The following LEPROTL1 variants were observed in gnomAD, a reference collection of about 807,000 sequenced individuals.
The protein encoded by LEPROTL1 is leptin receptor overlapping transcript-like 1.
In LEPROTL1, 6 loss-of-function variants were observed where a neutral mutation model predicts 15.4. That is an observed-to-expected ratio of 0.39 (90% confidence interval 0.21 to 0.77). The LOEUF is 0.77. LEPROTL1 is among the 30% of genes least tolerant of loss of function. The probability of loss-of-function intolerance (pLI) is 0.41; values close to 1 mark genes in which losing one functional copy is unlikely to be tolerated. For missense variants in LEPROTL1, 128 were observed against 158.1 expected (o/e 0.81, Z 1.02); for synonymous variants, 56 against 52.6 (o/e 1.06, Z -0.28).
Position 30,107,465 on chromosome 8 carries a change from G to T in LEPROTL1, c.*1603G>T. 1 of 985,826 alleles carries T rather than the reference G, an allele frequency of 1.0e-6. No homozygotes were observed. The highest frequency in any genetic ancestry group is 1.2e-6 in the Non-Finnish European group (1 of 829,912). The allele number at this position is 985,826 out of a possible 1,614,324, so 61.1% of individuals were successfully genotyped here. On this transcript the variant is annotated 3_prime_UTR_variant, in exon 4 of 4. Transcript: ENST00000321250. ...TCATGACAGCTGTCTGTTGTTTTAT[G>T]AAGTTTATTTCTCAAGAAAATGGGA...
chr8:30,096,307 G>C (rs974004211), intron 1 of LEPROTL1: 1 of 981,722 alleles, frequency 1.0e-6, no homozygotes, highest in Non-Finnish European at 1.2e-6. Flanking sequence ...TGTTCCACCT[G>C]TTAGGTAGTT....
At chr8:30,112,274 C>T (rs372894034), downstream of LEPROTL1, among the ~76,000 whole-genome samples, 472 of 152,056 alleles carry the variant, frequency 3.1e-3, 6 homozygotes, top group African/African-American at 0.011. Flanking sequence ...CTTGCTCTGT[C>T]GCCCAGGCTG....
chr8:30,119,071 G>C (rs757909723), intron 3 of LEPROTL1, among the ~76,000 whole-genome samples: 5 of 152,216 alleles, frequency 3.3e-5, no homozygotes, highest in Non-Finnish European at 7.3e-5. Context: ...CAGCTTTCCA[G>C]GGCAGAGGTC....
In LEPROTL1 at chr8:30,097,665, C is replaced by CT. The variant is rs1468720342; in HGVS notation, c.16+2138dup. Reference sequence around the variant, plus strand: ...CCAGCCTGGGCAACAGAGTGAGACTCTGTCTCAAAAAAAAAAAAAATATAT... The same window carrying CT: ...CCAGCCTGGGCAACAGAGTGAGACTCTTGTCTCAAAAAAAAAAAAAATATAT... On this transcript the variant is annotated intron_variant, in intron 1 of 3. Transcript: ENST00000321250. Among the ~76,000 whole-genome samples the CT allele has an allele frequency of 2.6e-3, 175 of 66,454 alleles. 3 individuals are homozygous for CT. Among genetic ancestry groups the CT allele is most frequent in the Non-Finnish European group, 3.9e-3 (125 of 31,786 alleles). 43.6% of individuals were successfully genotyped at this position (66,454 alleles called of 152,430 possible). A position where few individuals can be genotyped will look rare whatever the true frequency, so the allele number is the denominator to read the frequency against.
chr8:30,133,739 T>C (rs910317769), intron 4 of LEPROTL1, among the ~76,000 whole-genome samples: 1 of 144,566 alleles, frequency 6.9e-6, no homozygotes. Flanking sequence ...CAGTGAGCTA[T>C]GATTGCACCA....
At chr8:30,124,373 CCAAT>C (rs1802878344) in intron 3 of LEPROTL1, among the ~76,000 whole-genome samples, 1 of 152,096 alleles carries the variant, frequency 6.6e-6, no homozygotes, top group African/African-American at 2.4e-5. Context: ...TATTGAACTC[CCAAT>C]CAACCAGTTT....
chr8:30,095,667 C>G, intron 1 of LEPROTL1, 139 bp downstream of exon 1: 2 of 751,826 alleles, frequency 2.7e-6, no homozygotes, highest in Admixed American at 7.7e-5. Context: ...GACCCCCGCC[C>G]CGGCCCTGCG....
At chr8:30,131,280 ATATATATATATATATATGTGTGTGTG>A (rs1484984596) in intron 3 of LEPROTL1, among the ~76,000 whole-genome samples, 5 of 30,382 alleles carry the variant, frequency 1.6e-4, no homozygotes, top group African/African-American at 3.2e-4. Flanking sequence ...ATGTGTGTGT[ATATATATATATATATATGTGTGTGTG>A]TATATATATA....
Position 30,107,197 on chromosome 8 carries a change from C to T in LEPROTL1, c.*1335C>T, listed in dbSNP as rs150102430. On this transcript the variant is annotated 3_prime_UTR_variant, in exon 4 of 4. Coordinates refer to ENST00000321250, the MANE Select transcript of LEPROTL1 (RefSeq NM_015344.3). ...AAGGCATTTGTTGTGTGAGTTAATGCAAAGTAGCCAAGTCCAGCTATATAG... is the reference window on the plus strand; with the variant it reads ...AAGGCATTTGTTGTGTGAGTTAATGTAAAGTAGCCAAGTCCAGCTATATAG... 3,276 of 985,340 alleles carry T rather than the reference C, an allele frequency of 3.3e-3. 9 individuals carry two copies. The highest frequency in any genetic ancestry group is 3.6e-3 in the Non-Finnish European group (2,964 of 829,912). 61.0% of individuals were successfully genotyped at this position (985,340 alleles called of 1,614,324 possible).
At chr8:30,096,228 C>A in intron 1 of LEPROTL1, 9 of 883,674 alleles carry the variant, frequency 1.0e-5, no homozygotes, top group South Asian at 5.2e-5. Context: ...AGATAAAATA[C>A]TGGTACAACT....
In LEPROTL1 at chr8:30,097,698, T is replaced by TACACAC. The variant is rs71204262; in HGVS notation, c.16+2194_16+2199dup. ...AAAAAAAAAAAAATATATATATATATACACACACACACACACACACACACA... is the reference window on the plus strand; with the variant it reads ...AAAAAAAAAAAAATATATATATATATACACACACACACACACACACACACACACACA... On this transcript the variant is annotated intron_variant, in intron 1 of 3. Transcript: ENST00000321250. 3.4e-3 allele frequency among the ~76,000 whole-genome samples: 367 copies of TACACAC among 108,706 alleles called. 11 individuals are homozygous for TACACAC. Among genetic ancestry groups the TACACAC allele is most frequent in the Middle Eastern group, 0.01 (2 of 198 alleles). 71.3% of individuals were successfully genotyped at this position (108,706 alleles called of 152,430 possible).
Position 30,108,233 on chromosome 8 carries a change from C to G in LEPROTL1, c.*2371C>G, listed in dbSNP as rs1014445976. ...ATGGAAACCATAGTTACAGATATTA[C>G]AATGCAGCCCTGTAATTTTGAGCTG... On this transcript the variant is annotated 3_prime_UTR_variant, in exon 4 of 4. Coordinates refer to ENST00000321250, the MANE Select transcript of LEPROTL1 (RefSeq NM_015344.3). The G allele has an allele frequency of 6.3e-6, 1 of 157,690 alleles. No individual in the cohort carries two copies. The highest frequency in any genetic ancestry group is 2.4e-5 in the African/African-American group (1 of 41,534). 9.8% of individuals were successfully genotyped at this position (157,690 alleles called of 1,614,324 possible).
intron 3 of LEPROTL1, among the ~76,000 whole-genome samples, chr8:30,122,669 C>G (rs1269619804): frequency 6.6e-6 from 1 of 152,056 alleles, no homozygotes; most frequent in Non-Finnish European, 1.5e-5. Context: ...GTGGTGCATG[C>G]CTGTAATCCC....
chr8:30,133,079 CTTAT>C (rs965669291), intron 4 of LEPROTL1, among the ~76,000 whole-genome samples: 13 of 152,138 alleles, frequency 8.5e-5, no homozygotes, highest in African/African-American at 2.9e-4. Context: ...ATAAATCAAT[CTTAT>C]TTATTTATTT....
intron 1 of LEPROTL1, chr8:30,096,144 C>T: frequency 3.0e-6 from 1 of 337,722 alleles, no homozygotes; most frequent in Non-Finnish European, 4.2e-6. Flanking sequence ...TGGCTCTCTT[C>T]CCTCTCCGCA....
At chr8:30,118,468 G>A (rs1802776466) in intron 3 of LEPROTL1, among the ~76,000 whole-genome samples, 1 of 152,144 alleles carries the variant, frequency 6.6e-6, no homozygotes, top group Non-Finnish European at 1.5e-5. Flanking sequence ...TCTCACTGTT[G>A]GAGGCTGAAA....
intron 1 of LEPROTL1, among the ~76,000 whole-genome samples, chr8:30,097,687 AT>A (rs1216111506): frequency 1.7e-3 from 51 of 30,640 alleles, no homozygotes; most frequent in African/African-American, 2.7e-3. Context: ...AAAAAAAAAT[AT>A]ATATATATAT....
intron 1 of LEPROTL1, chr8:30,096,536 A>G (rs1802370396): frequency 3.9e-6 from 1 of 253,206 alleles, no homozygotes; most frequent in Admixed American, 6.5e-5. Flanking sequence ...AATGTCTGAA[A>G]ACATTTCATT....
In LEPROTL1 at chr8:30,104,364, A is replaced by G. The variant is rs1327248236; in HGVS notation, c.157A>G (p.Arg53Gly). Residue 53 changes from arginine (R) to glycine (G), a missense_variant, in exon 3 of 4, where the codon AGA (arginine) becomes GGA (glycine). Arg to Gly is a moderately radical substitution (Grantham distance 125). Transcript: ENST00000321250. ...TTCACCTATTCCATACTGCATAGCAAGAAGATTAGTGGATGATACAGATGC... is the reference window on the plus strand; with the variant it reads ...TTCACCTATTCCATACTGCATAGCAGGAAGATTAGTGGATGATACAGATGC... ...ILSPIPYCIA[R>G]RLVDDTDAMS... 6.2e-7 allele frequency: 1 copy of G among 1,610,102 alleles called. No homozygotes were observed. Among genetic ancestry groups the G allele is most frequent in the Admixed American group, 1.7e-5 (1 of 59,652 alleles).
Sources: gnomAD v4.1 joint callset for allele counts (sites outside exome capture counted in the v4.1 genomes callset) on GRCh38, gnomAD v4.1.1 for gene constraint, MANE v1.5 for transcripts, NCBI Gene and HGNC (gene_info 2026-07-23, HGNC 2026-07-21) for gene names.